The following ERBB4 variants were observed in gnomAD, a reference collection of about 807,000 sequenced individuals.
ERBB4 encodes receptor tyrosine-protein kinase erbB-4.
Under a neutral mutation model 158.0 loss-of-function variants are expected in ERBB4, and 42 were observed. The observed-to-expected ratio is 0.27, with a 90% confidence interval of 0.21 to 0.34. The LOEUF is 0.34. Among genes scored for constraint, ERBB4 ranks in the 10% least tolerant of loss-of-function variants. The probability of loss-of-function intolerance (pLI) is 1.00; values close to 1 mark genes in which losing one functional copy is unlikely to be tolerated. For missense variants in ERBB4, 1,333 were observed against 1,624.1 expected (o/e 0.82, Z 3.08); for synonymous variants, 583 against 558.7 (o/e 1.04, Z -0.61).
At chr2:211,971,341 C>T (rs1177286548) in intron 2 of ERBB4, among the ~76,000 whole-genome samples, 10 of 151,986 alleles carry the variant, frequency 6.6e-5, no homozygotes, top group Admixed American at 6.6e-4. Flanking sequence ...CCTGGACTCT[C>T]CCAAAACTGA....
chr2:212,054,228 T>G (rs1559396702), intron 2 of ERBB4, among the ~76,000 whole-genome samples: 1 of 152,138 alleles, frequency 6.6e-6, no homozygotes, highest in Non-Finnish European at 1.5e-5. Context: ...ATAGCATAAC[T>G]CCCACCTAAG....
intron 1 of ERBB4, among the ~76,000 whole-genome samples, chr2:212,291,289 A>G (rs1283028124): frequency 1.1e-4 from 17 of 152,144 alleles, no homozygotes; most frequent in Non-Finnish European, 2.1e-4. Context: ...CCTATAGACT[A>G]TACTAAATAA....
chr2:212,132,745 G>A (rs775927290), intron 1 of ERBB4, among the ~76,000 whole-genome samples: 4 of 152,012 alleles, frequency 2.6e-5, no homozygotes, highest in Non-Finnish European at 5.9e-5. Flanking sequence ...TGTGAGCCAA[G>A]ACTATATAGT....
chr2:211,432,352 A>G (rs1385780008), intron 20 of ERBB4, among the ~76,000 whole-genome samples: 1 of 152,232 alleles, frequency 6.6e-6, no homozygotes, highest in Non-Finnish European at 1.5e-5. Context: ...TACTTCAAAC[A>G]GCATCATGAG....
rs566991819 is a variant in ERBB4, at chr2:211,743,062, T to C, written c.622+7577A>G. Among the ~76,000 whole-genome samples, 3 of 152,252 alleles carry C rather than the reference T, an allele frequency of 2.0e-5. No individual in the cohort carries two copies. The South Asian group carries it at 6.2e-4, about 32-fold the overall frequency. ...AGACATTTAAATGGAGAGAAGTGTATCTGTTCACTCCAGTGGTTAAAGTAT... is the reference window on the plus strand; with the variant it reads ...AGACATTTAAATGGAGAGAAGTGTACCTGTTCACTCCAGTGGTTAAAGTAT... On this transcript the variant is annotated intron_variant, in intron 5 of 27. Transcript: ENST00000342788.
intron 1 of ERBB4, among the ~76,000 whole-genome samples, chr2:212,365,757 GATA>G (rs2089865704): frequency 6.6e-6 from 1 of 151,746 alleles, no homozygotes; most frequent in African/African-American, 2.4e-5. Flanking sequence ...TACAAATCAT[GATA>G]ATGTTTTTAA....
chr2:212,527,243 A>C (rs1010002186), intron 1 of ERBB4, among the ~76,000 whole-genome samples: 4 of 152,146 alleles, frequency 2.6e-5, no homozygotes. Flanking sequence ...GAGAGAAAAT[A>C]TTCTAAAAAT....
intron 2 of ERBB4, among the ~76,000 whole-genome samples, chr2:211,998,208 A>G (rs1447225537): frequency 6.6e-6 from 1 of 151,968 alleles, no homozygotes; most frequent in African/African-American, 2.4e-5. Context: ...AACCACCAAG[A>G]AACAGAATAT....
rs551302402 is a variant in ERBB4, at chr2:212,161,522, C to A, written c.83-36619G>T. Reference sequence around the variant, plus strand: ...AAAAGTTTTCTGCTAAACTCTAAAACCTTTTGTATTAGGAGTTTATGTCTT... The same window carrying A: ...AAAAGTTTTCTGCTAAACTCTAAAAACTTTTGTATTAGGAGTTTATGTCTT... On this transcript the variant is annotated intron_variant, in intron 1 of 27. Transcript: ENST00000342788. Among the ~76,000 whole-genome samples the A allele has an allele frequency of 8.6e-5, 13 of 151,952 alleles. 1 individual carries two copies. In the East Asian group the frequency reaches 2.5e-3, roughly 30 times the overall value.
At chr2:211,778,413 T>A (rs2075944834) in intron 4 of ERBB4, 1 of 152,004 alleles carries the variant, frequency 6.6e-6, no homozygotes, top group African/African-American at 2.4e-5. Flanking sequence ...TGCTAGGAGA[T>A]TATCAGATCT....
chr2:212,371,914 T>C (rs981774917), intron 1 of ERBB4, among the ~76,000 whole-genome samples: 1 of 152,196 alleles, frequency 6.6e-6, no homozygotes, highest in African/African-American at 2.4e-5. Context: ...ATATTTGCAA[T>C]TTAGTAGCAA....
intron 3 of ERBB4, among the ~76,000 whole-genome samples, chr2:211,835,143 T>C (rs2077312483): frequency 6.6e-6 from 1 of 151,478 alleles, no homozygotes; most frequent in Non-Finnish European, 1.5e-5. Context: ...TAATGGGGGA[T>C]CTTATTGGAT....
chr2:211,861,357 T>G (rs1400956238), intron 3 of ERBB4, among the ~76,000 whole-genome samples: 3 of 131,332 alleles, frequency 2.3e-5, no homozygotes, highest in Non-Finnish European at 3.1e-5. Context: ...TTTGTTTTTT[T>G]TTTTTTTTTT....
At chr2:211,674,265 C>A (rs2105942537) in intron 13 of ERBB4, among the ~76,000 whole-genome samples, 1 of 152,160 alleles carries the variant, frequency 6.6e-6, no homozygotes, top group Middle Eastern at 3.4e-3. Context: ...ACACCAATAG[C>A]ATTACAGAGA....
intron 3 of ERBB4, among the ~76,000 whole-genome samples, chr2:211,924,454 C>A (rs529535037): frequency 6.6e-6 from 1 of 151,986 alleles, no homozygotes; most frequent in East Asian, 1.9e-4. Context: ...TGTACTCATA[C>A]CCTATACATC....
At chr2:211,520,100 A>G (rs891650729) in intron 20 of ERBB4, among the ~76,000 whole-genome samples, 3 of 152,176 alleles carry the variant, frequency 2.0e-5, no homozygotes, top group African/African-American at 7.2e-5. Context: ...GGTGTAATAA[A>G]GATGAGAGGT....
At chr2:211,502,005 A>T (rs1054987124) in intron 20 of ERBB4, among the ~76,000 whole-genome samples, 1 of 152,104 alleles carries the variant, frequency 6.6e-6, no homozygotes, top group Non-Finnish European at 1.5e-5. Flanking sequence ...TCTTCTTAGT[A>T]TCGATAACAG....
At chr2:211,477,589 C>T (rs1384645531) in intron 20 of ERBB4, among the ~76,000 whole-genome samples, 2 of 151,968 alleles carry the variant, frequency 1.3e-5, no homozygotes, top group African/African-American at 4.8e-5. Flanking sequence ...GAAGTGTATT[C>T]GCTCTATGAA....
chr2:211,535,585 G>GTGTA (rs1553561674), intron 20 of ERBB4: 2 of 90,906 alleles, frequency 2.2e-5, no homozygotes, highest in African/African-American at 7.6e-5. Context: ...GAGAGAGAGA[G>GTGTA]TGTATGTGTG....
Sources: allele counts gnomAD v4.1 joint callset (sites outside exome capture counted in the v4.1 genomes callset), GRCh38; gene constraint gnomAD v4.1.1; transcripts MANE v1.5; gene names NCBI Gene and HGNC (gene_info 2026-07-23, HGNC 2026-07-21).